Variants in UNC5D observed in about 807,000 individuals in gnomAD.
The protein encoded by UNC5D is netrin receptor UNC5D.
Under a neutral mutation model 105.4 loss-of-function variants are expected in UNC5D, and 39 were observed. The ratio of observed to expected loss-of-function variants is 0.37; its 90% CI spans 0.29 to 0.48. UNC5D has a LOEUF of 0.48. Among genes scored for constraint, UNC5D ranks in the 20% least tolerant of loss-of-function variants. The pLI is 0.98. For synonymous variants in UNC5D, 452 were observed against 450.4 expected (o/e 1.00, Z -0.04); for missense variants, 991 against 1,202.4 (o/e 0.82, Z 2.60).
chr8:35,705,225 A>G (rs914588121), intron 7 of UNC5D, among the ~76,000 whole-genome samples: 3 of 152,100 alleles, frequency 2.0e-5, no homozygotes, highest in African/African-American at 7.2e-5. Context: ...TGGCCTCCCA[A>G]AGTGCTGGGA....
chr8:35,708,449 T>G (rs1827738205), intron 8 of UNC5D, among the ~76,000 whole-genome samples: 1 of 152,214 alleles, frequency 6.6e-6, no homozygotes, highest in African/African-American at 2.4e-5. Flanking sequence ...TGAGATTTAA[T>G]CATAGTTAAT....
Position 35,288,527 on chromosome 8 carries a change from A to G in UNC5D, c.103+52640A>G, listed in dbSNP as rs147846848. ...AACAAAAGATATGTGAATGTAAAAAACTCTTTGGTATAAGTAATGCCTGGT... is the reference window on the plus strand; with the variant it reads ...AACAAAAGATATGTGAATGTAAAAAGCTCTTTGGTATAAGTAATGCCTGGT... On this transcript the variant is annotated intron_variant, in intron 1 of 16. Transcript: ENST00000404895. Among the ~76,000 whole-genome samples, 126 of 152,158 alleles carry G rather than the reference A, an allele frequency of 8.3e-4. No homozygotes were observed. The East Asian group carries it at 0.023, about 27-fold the overall frequency.
chr8:35,337,760 G>GAA (rs61593529), intron 1 of UNC5D, among the ~76,000 whole-genome samples: 1 of 140,620 alleles, frequency 7.1e-6, no homozygotes, highest in Non-Finnish European at 1.6e-5. Context: ...CTTTTTTCAA[G>GAA]AAAAAAAAAA....
At chr8:35,707,075 T>C (rs1006764824) in intron 8 of UNC5D, among the ~76,000 whole-genome samples, 3 of 152,166 alleles carry the variant, frequency 2.0e-5, no homozygotes, top group African/African-American at 4.8e-5. Context: ...ACTTTTGATC[T>C]TTTAAATCTT....
intron 3 of UNC5D, among the ~76,000 whole-genome samples, chr8:35,569,182 A>G (rs1463631231): frequency 1.3e-5 from 2 of 152,134 alleles, no homozygotes; most frequent in African/African-American, 4.8e-5. Context: ...AGTTTCATAA[A>G]TACACAAACT....
At chr8:35,616,220 TTGTATC>T (rs1821016256) in intron 4 of UNC5D, among the ~76,000 whole-genome samples, 1 of 152,200 alleles carries the variant, frequency 6.6e-6, no homozygotes. Flanking sequence ...GTGCCAATAT[TTGTATC>T]AGACAGCCTG....
intron 10 of UNC5D, chr8:35,727,778 G>A (rs1312174795): frequency 1.3e-5 from 2 of 152,210 alleles, no homozygotes; most frequent in East Asian, 1.9e-4. Flanking sequence ...ATGTGTGAAT[G>A]CCTACGCATG....
At chr8:35,292,716 CTTT>C (rs35935733) in intron 1 of UNC5D, among the ~76,000 whole-genome samples, 2 of 123,620 alleles carry the variant, frequency 1.6e-5, no homozygotes, top group Non-Finnish European at 3.3e-5. Flanking sequence ...CTTTTTTTTC[CTTT>C]TTTTTTTTTT....
At chr8:35,652,120 G>A (rs1301673071) in intron 4 of UNC5D, among the ~76,000 whole-genome samples, 1 of 152,130 alleles carries the variant, frequency 6.6e-6, no homozygotes, top group African/African-American at 2.4e-5. Flanking sequence ...CACCAGCTGT[G>A]ACTGATCCTT....
chr8:35,539,309 T>C (rs368147274), intron 1 of UNC5D, among the ~76,000 whole-genome samples: 1 of 152,290 alleles, frequency 6.6e-6, no homozygotes, highest in East Asian at 1.9e-4. Flanking sequence ...GTATAAACCA[T>C]AATTTTCCAT....
intron 1 of UNC5D, among the ~76,000 whole-genome samples, chr8:35,465,265 A>G (rs894620372): frequency 6.6e-6 from 1 of 152,136 alleles, no homozygotes. Flanking sequence ...GGTGGCATGC[A>G]CCTGTAGTCC....
In UNC5D at chr8:35,558,169, C is replaced by T. The variant is rs969564193; in HGVS notation, c.322+8659C>T. On this transcript the variant is annotated intron_variant, in intron 2 of 16. Transcript: ENST00000404895. ...AAAGTCTCCCCTTCCAACCCAGAAG[C>T]TCCTTGAGGGTAGGTATCTTGATGT... Among the ~76,000 whole-genome samples, 16 of 150,322 alleles carry T rather than the reference C, an allele frequency of 1.1e-4. 1 individual carries two copies. In the East Asian group the frequency reaches 3.2e-3, roughly 30 times the overall value.
At chr8:35,688,137 CA>C (rs572359971) in intron 7 of UNC5D, among the ~76,000 whole-genome samples, 416 of 135,026 alleles carry the variant, frequency 3.1e-3, no homozygotes, top group African/African-American at 0.01. Flanking sequence ...GCCTCAAAAA[CA>C]AAAAAAAACA....
intron 1 of UNC5D, among the ~76,000 whole-genome samples, chr8:35,359,145 G>C (rs970660553): frequency 3.3e-5 from 5 of 152,176 alleles, no homozygotes; most frequent in African/African-American, 4.8e-5. Flanking sequence ...GCAAGACCCT[G>C]TCTTTAAAAA....
intron 2 of UNC5D, among the ~76,000 whole-genome samples, chr8:35,565,278 A>T (rs990712785): frequency 6.6e-6 from 1 of 152,166 alleles, no homozygotes; most frequent in Non-Finnish European, 1.5e-5. Flanking sequence ...AATAATGGTC[A>T]TTTTGATTGG....
chr8:35,573,774 G>T (rs999612541), intron 3 of UNC5D, among the ~76,000 whole-genome samples: 2 of 152,100 alleles, frequency 1.3e-5, no homozygotes, highest in East Asian at 3.9e-4. Flanking sequence ...TTTTGTTTTA[G>T]GAGCCAAAGT....
intron 1 of UNC5D, among the ~76,000 whole-genome samples, chr8:35,240,230 A>G (rs1802721740): frequency 6.6e-6 from 1 of 152,196 alleles, no homozygotes; most frequent in Admixed American, 6.5e-5. Flanking sequence ...GATTACAGGT[A>G]TGAACCACCA....
chr8:35,750,148 T>A (rs904361576), intron 12 of UNC5D, among the ~76,000 whole-genome samples: 3 of 152,180 alleles, frequency 2.0e-5, no homozygotes, highest in Admixed American at 2.0e-4. Context: ...TGAGTTTTTT[T>A]TTCTTTTGAA....
At chr8:35,401,419 G>A (rs1804453710) in intron 1 of UNC5D, among the ~76,000 whole-genome samples, 1 of 152,192 alleles carries the variant, frequency 6.6e-6, no homozygotes, top group African/African-American at 2.4e-5. Context: ...GGGTGGCAGA[G>A]GTTGCAGTGA....
Sources: allele counts gnomAD v4.1 joint callset (sites outside exome capture counted in the v4.1 genomes callset), GRCh38; gene constraint gnomAD v4.1.1; transcripts MANE v1.5; gene names NCBI Gene and HGNC (gene_info 2026-07-23, HGNC 2026-07-21).